The following ST6GALNAC3 variants were observed in gnomAD, a reference collection of about 807,000 sequenced individuals.
ST6GALNAC3 encodes alpha-N-acetylgalactosaminide alpha-2,6-sialyltransferase 3.
ST6GALNAC3 carries 25 observed loss-of-function variants against 32.7 expected under a neutral mutation model. That is an observed-to-expected ratio of 0.76 (90% confidence interval 0.56 to 1.07). ST6GALNAC3 has a LOEUF of 1.07. ST6GALNAC3 is among the 50% of genes least tolerant of loss of function. ST6GALNAC3 has a pLI of 0.00. For missense variants in ST6GALNAC3, 355 were observed against 382.4 expected, an observed-to-expected ratio of 0.93 and a Z score of 0.60; for synonymous variants, 129 against 133.1, an observed-to-expected ratio of 0.97 and a Z score of 0.21.
intron 1 of ST6GALNAC3, among the ~76,000 whole-genome samples, chr1:76,083,941 T>C (rs1182199977): frequency 1.3e-5 from 2 of 152,252 alleles, no homozygotes; most frequent in Admixed American, 1.3e-4. Flanking sequence ...GCTTAGACCT[T>C]TTCCAGTAGC....
chr1:76,549,982 T>C (rs1664527838), intron 3 of ST6GALNAC3, among the ~76,000 whole-genome samples: 1 of 152,234 alleles, frequency 6.6e-6, no homozygotes. Context: ...TTTTGTTTTA[T>C]AAAAATTTGT....
In ST6GALNAC3 at chr1:76,074,855, C is replaced by A; in HGVS notation, c.-12C>A. 1 of 1,589,212 alleles carries A rather than the reference C, an allele frequency of 6.3e-7. No individual in the cohort carries two copies. The highest frequency in any genetic ancestry group is 2.3e-5 in the East Asian group (1 of 43,592). ...GCCCGCTGCTCGGTGGCAGGAGGGC[C>A]GGCGGAGCGCCATGGCCTGCATCCT... On this transcript the variant is annotated 5_prime_UTR_variant, in exon 1 of 5. Coordinates refer to ENST00000328299, the MANE Select transcript of ST6GALNAC3 (RefSeq NM_152996.4).
chr1:76,420,915 A>T (rs1654988056), intron 3 of ST6GALNAC3, among the ~76,000 whole-genome samples: 1 of 151,984 alleles, frequency 6.6e-6, no homozygotes. Flanking sequence ...AGGGTTATGG[A>T]CTTCCTTGTT....
intron 3 of ST6GALNAC3, among the ~76,000 whole-genome samples, chr1:76,420,255 A>G (rs1202836352): frequency 6.6e-6 from 1 of 152,112 alleles, no homozygotes; most frequent in African/African-American, 2.4e-5. Context: ...TGCTATTAAC[A>G]AAGTAAAAGA....
intron 1 of ST6GALNAC3, among the ~76,000 whole-genome samples, chr1:76,098,931 T>C (rs1374950927): frequency 6.6e-6 from 1 of 152,160 alleles, no homozygotes; most frequent in Non-Finnish European, 1.5e-5. Context: ...TTAAAATCTA[T>C]TTCGATTTTA....
At chr1:76,412,456 T>C (rs1461835973) in intron 3 of ST6GALNAC3, 39 bp downstream of exon 3, 2 of 1,535,814 alleles carry the variant, frequency 1.3e-6, no homozygotes, top group African/African-American at 2.8e-5. Context: ...TCTTTTATTA[T>C]CTTTTATGCT....
intron 1 of ST6GALNAC3, among the ~76,000 whole-genome samples, chr1:76,097,334 G>T (rs1647151711): frequency 6.6e-6 from 1 of 152,172 alleles, no homozygotes. Context: ...CTGGTGGGAG[G>T]TGATTAAATC....
At chr1:76,309,966 T>C (rs1284102322) in intron 1 of ST6GALNAC3, 1 of 496,280 alleles carries the variant, frequency 2.0e-6, no homozygotes. Flanking sequence ...GACTTATTTT[T>C]CTCTCACGTA....
intron 2 of ST6GALNAC3, among the ~76,000 whole-genome samples, chr1:76,367,537 CAA>C (rs1330707996): frequency 6.6e-6 from 1 of 151,962 alleles, no homozygotes; most frequent in East Asian, 1.9e-4. Flanking sequence ...TTGAGTGGGG[CAA>C]AAGTTCAGTG....
chr1:76,489,987 G>A (rs1660388989), intron 3 of ST6GALNAC3, among the ~76,000 whole-genome samples: 1 of 152,166 alleles, frequency 6.6e-6, no homozygotes, highest in South Asian at 2.1e-4. Flanking sequence ...CTTCCAGACA[G>A]ACTTTCAGGT....
At chr1:76,542,788 A>G (rs1664070729) in intron 3 of ST6GALNAC3, among the ~76,000 whole-genome samples, 1 of 152,232 alleles carries the variant, frequency 6.6e-6, no homozygotes, top group Admixed American at 6.5e-5. Context: ...CATTTTGAAG[A>G]GACTCATTAC....
intron 1 of ST6GALNAC3, among the ~76,000 whole-genome samples, chr1:76,277,609 TATACAC>T (rs1225455672): frequency 1.6e-3 from 71 of 45,026 alleles, no homozygotes; most frequent in African/African-American, 0.012. Context: ...TATATATATA[TATACAC>T]ACACACACAC....
chr1:76,340,026 A>G (rs1374322036), intron 2 of ST6GALNAC3, among the ~76,000 whole-genome samples: 1 of 152,226 alleles, frequency 6.6e-6, no homozygotes, highest in African/African-American at 2.4e-5. Context: ...TGATTCTGAG[A>G]TTCAAAGAGC....
chr1:76,263,698 A>G (rs146472148), intron 1 of ST6GALNAC3, among the ~76,000 whole-genome samples: 90 of 152,336 alleles, frequency 5.9e-4, no homozygotes, highest in Middle Eastern at 6.8e-3. Flanking sequence ...CTGGGTAAAC[A>G]CATTTTGCTC....
chr1:76,466,608 C>T (rs574126102), intron 3 of ST6GALNAC3, among the ~76,000 whole-genome samples: 1 of 152,172 alleles, frequency 6.6e-6, no homozygotes, highest in East Asian at 1.9e-4. Context: ...TTTGATACTA[C>T]AATTACACTT....
intron 3 of ST6GALNAC3, among the ~76,000 whole-genome samples, chr1:76,535,826 T>G (rs1663558955): frequency 6.6e-6 from 1 of 151,834 alleles, no homozygotes; most frequent in Non-Finnish European, 1.5e-5. Context: ...TTTTTTTTTC[T>G]CTAGGTCGAG....
chr1:76,467,016 GT>G (rs1397510800), intron 3 of ST6GALNAC3, among the ~76,000 whole-genome samples: 16 of 152,018 alleles, frequency 1.1e-4, no homozygotes, highest in African/African-American at 3.9e-4. Context: ...TCCTTAAGAT[GT>G]TTTAGTTGTT....
chr1:76,493,239 C>T (rs1009338520), intron 3 of ST6GALNAC3, among the ~76,000 whole-genome samples: 1 of 152,130 alleles, frequency 6.6e-6, no homozygotes, highest in Admixed American at 6.6e-5. Context: ...GAGGCAGATG[C>T]TGCCATATAG....
chr1:76,462,475 G>T (rs1658344512), intron 3 of ST6GALNAC3, among the ~76,000 whole-genome samples: 1 of 151,850 alleles, frequency 6.6e-6, no homozygotes, highest in Non-Finnish European at 1.5e-5. Flanking sequence ...AAAAGTGTGA[G>T]ATCTTACCCA....
Sources: gnomAD v4.1 joint callset for allele counts (sites outside exome capture counted in the v4.1 genomes callset) on GRCh38, gnomAD v4.1.1 for gene constraint, MANE v1.5 for transcripts, NCBI Gene and HGNC (gene_info 2026-07-23, HGNC 2026-07-21) for gene names.